Variants in NFIL3 observed in about 807,000 individuals in gnomAD.
NFIL3 encodes nuclear factor, interleukin 3 regulated.
NFIL3 carries 5 observed loss-of-function variants against 10.0 expected under a neutral mutation model. That is an observed-to-expected ratio of 0.50 (90% CI 0.26 to 1.06). The LOEUF (loss-of-function observed/expected upper bound fraction) is 1.06, where lower values mean the gene tolerates loss of function less well. Ranked by LOEUF, NFIL3 falls within the 50% of genes least tolerant of loss-of-function variation. NFIL3 has a pLI of 0.13. For missense variants in NFIL3, 436 were observed against 547.6 expected, an observed-to-expected ratio of 0.80 and a Z score of 2.03; for synonymous variants, 202 against 206.5, an observed-to-expected ratio of 0.98 and a Z score of 0.19.
At chr9:91,443,803 C>T in the NFIL3 span, among the ~76,000 whole-genome samples, 278 of 152,290 alleles carry the variant, frequency 1.8e-3, no homozygotes, top group African/African-American at 6.0e-3. Context: ...GCATGCAGCC[C>T]GAGCCGCACC....
At chr9:91,459,789 T>C in the NFIL3 span, among the ~76,000 whole-genome samples, 1 of 152,232 alleles carries the variant, frequency 6.6e-6, no homozygotes, top group Non-Finnish European at 1.5e-5. Flanking sequence ...TTTTTATTAA[T>C]ATTTGCATTT....
At position 91,411,100 on chromosome 9, in the gene NFIL3, A is replaced by C. The variant is rs16907473; in HGVS notation, c.-172-194T>G. ...AAATACCTAAACTATAAAGCTGTAA[A>C]GGACAAATCCCTAATGAGGCCTATC... is the stretch of plus-strand genomic sequence containing the variant. On this transcript the variant is annotated intron_variant, in intron 1 of 1. Transcript: ENST00000297689. Among the ~76,000 whole-genome samples, 416 of 152,370 alleles carry C rather than the reference A, an allele frequency of 2.7e-3. 12 individuals carry two copies. In the East Asian group the frequency reaches 0.067, roughly 24 times the overall value.
chr9:91,445,375 T>A, the NFIL3 span, among the ~76,000 whole-genome samples: 9 of 152,324 alleles, frequency 5.9e-5, no homozygotes, highest in Admixed American at 5.9e-4. Flanking sequence ...ATGGCCCAGC[T>A]GTGGCTTAGG....
chr9:91,475,829 A>G, the NFIL3 span, among the ~76,000 whole-genome samples: 1 of 152,276 alleles, frequency 6.6e-6, no homozygotes, highest in Non-Finnish European at 1.5e-5. Flanking sequence ...TGAATTTTCC[A>G]GTAAAATATA....
intron 1 of NFIL3, among the ~76,000 whole-genome samples, chr9:91,423,321 T>A (rs543516110): frequency 2.0e-5 from 3 of 152,168 alleles, no homozygotes; most frequent in Non-Finnish European, 4.4e-5. Context: ...CGCTCTTCTT[T>A]ACCAAAACAT....
chr9:91,443,998 A>G, the NFIL3 span, among the ~76,000 whole-genome samples: 1 of 152,010 alleles, frequency 6.6e-6, no homozygotes. Context: ...ATTTTCAGCA[A>G]TTATTTCATT....
chr9:91,442,691 C>A, the NFIL3 span, among the ~76,000 whole-genome samples: 1,172 of 152,254 alleles, frequency 7.7e-3, 15 homozygotes, highest in African/African-American at 0.027. Context: ...ACCAGATGTA[C>A]CACATGTGGC....
rs780645794 is a variant in NFIL3 at position 91,410,637 on chromosome 9, G to A, written c.98C>T (p.Thr33Met). The A allele has an allele frequency of 1.2e-5, 19 of 1,614,170 alleles. No individual in the cohort carries two copies. Among genetic ancestry groups the A allele is most frequent in the South Asian group, 5.5e-5 (5 of 91,072 alleles). Residue 33 changes from threonine (T) to methionine (M), a missense_variant, in exon 2 of 2, where the codon ACG becomes ATG. Physicochemically the swap from Thr to Met is moderately conservative, Grantham distance 81. Coordinates refer to ENST00000297689, the MANE Select transcript of NFIL3 (RefSeq NM_005384.3). The surrounding 1 kb of genome is among the most constrained non-coding windows in gnomAD (Gnocchi z 5.7). ...TGTTGTGGAGTCTTCTGACACTTCC[G>A]TTAAAGCAGAATTAAGGACCATCAT... is the stretch of plus-strand genomic sequence containing the variant. ...DKMMVLNSAL[T>M]EVSEDSTTGE...
At chr9:91,430,124 C>A in the NFIL3 span, among the ~76,000 whole-genome samples, 73 of 152,252 alleles carry the variant, frequency 4.8e-4, no homozygotes, top group South Asian at 0.014. Context: ...GTATCATCAA[C>A]CAAATACTTG....
the NFIL3 span, among the ~76,000 whole-genome samples, chr9:91,458,213 A>C: frequency 6.6e-6 from 1 of 152,096 alleles, no homozygotes; most frequent in Non-Finnish European, 1.5e-5. Context: ...TTATAGAATT[A>C]GTATTATTAT....
chr9:91,474,420 G>A, the NFIL3 span, among the ~76,000 whole-genome samples: 1 of 152,084 alleles, frequency 6.6e-6, no homozygotes, highest in African/African-American at 2.4e-5. Flanking sequence ...TTTCTACCCT[G>A]GCACTAGTTC....
At chr9:91,446,012 G>A in the NFIL3 span, among the ~76,000 whole-genome samples, 2 of 152,198 alleles carry the variant, frequency 1.3e-5, no homozygotes, top group African/African-American at 4.8e-5. Flanking sequence ...CCAAGACGGT[G>A]TAGAACAGCA....
chr9:91,446,018 C>A, the NFIL3 span, among the ~76,000 whole-genome samples: 1 of 152,172 alleles, frequency 6.6e-6, no homozygotes, highest in East Asian at 1.9e-4. Flanking sequence ...CGGTGTAGAA[C>A]AGCAGCAGCT....
chr9:91,467,368 GA>G, the NFIL3 span, among the ~76,000 whole-genome samples: 1 of 151,930 alleles, frequency 6.6e-6, no homozygotes, highest in African/African-American at 2.4e-5. Flanking sequence ...ATTTCTTTTA[GA>G]GGGGTGCTAA....
At chr9:91,424,906 CG>C (rs1833852961), upstream of NFIL3, among the ~76,000 whole-genome samples, 1 of 152,152 alleles carries the variant, frequency 6.6e-6, no homozygotes, top group Non-Finnish European at 1.5e-5. Context: ...TCCCGGGCTA[CG>C]GAAGAGACGT....
chr9:91,470,467 A>C, the NFIL3 span, among the ~76,000 whole-genome samples: 1 of 149,562 alleles, frequency 6.7e-6, no homozygotes, highest in African/African-American at 2.5e-5. Context: ...TTTAAAAAAA[A>C]CCAGCTCCTG....
chr9:91,424,971 A>T (rs1406996577), upstream of NFIL3, among the ~76,000 whole-genome samples: 4 of 152,244 alleles, frequency 2.6e-5, no homozygotes, highest in Non-Finnish European at 5.9e-5. Flanking sequence ...GTCGCGCTAG[A>T]CTGTCAAGGC....
chr9:91,454,249 A>T, the NFIL3 span, among the ~76,000 whole-genome samples: 2 of 151,810 alleles, frequency 1.3e-5, no homozygotes, highest in South Asian at 2.1e-4. Context: ...AAAAAAAAAA[A>T]AGAATATCAC....
At position 91,410,996 on chromosome 9, in the gene NFIL3, G is replaced by T; in HGVS notation, c.-172-90C>A. The T allele has an allele frequency of 2.2e-6, 1 of 464,816 alleles. No individual in the cohort carries two copies. Among genetic ancestry groups the T allele is most frequent in the Non-Finnish European group, 3.9e-6 (1 of 256,376 alleles). The allele number at this position is 464,816 out of a possible 1,614,324, so 28.8% of individuals were successfully genotyped here. On this transcript the variant is annotated intron_variant, in intron 1 of 1. Coordinates refer to ENST00000297689, the MANE Select transcript of NFIL3 (RefSeq NM_005384.3). The surrounding 1 kb of genome is among the most constrained non-coding windows in gnomAD (Gnocchi z 5.7). ...ACAAGGAAATATGCTAAGCATTTAG[G>T]GCATACAAGCACAGATGAGGCATGG...
Sources: allele counts gnomAD v4.1 joint callset (sites outside exome capture counted in the v4.1 genomes callset), GRCh38; gene constraint gnomAD v4.1.1; non-coding constraint Gnocchi (gnomAD v3.1); transcripts MANE v1.5; gene names NCBI Gene and HGNC (gene_info 2026-07-23, HGNC 2026-07-21).